UGGT2: variants seen among roughly 807,000 people sequenced by gnomAD.
UGGT2 encodes UDP-glucose glycoprotein glucosyltransferase 2, also known as UDP-glucose:glycoprotein glucosyltransferase 2.
Under a neutral mutation model 192.1 loss-of-function variants are expected in UGGT2, and 180 were observed. The ratio of observed to expected loss-of-function variants is 0.94; its 90% CI spans 0.83 to 1.06. The LOEUF (loss-of-function observed/expected upper bound fraction) is 1.06. UGGT2 is among the 50% of genes least tolerant of loss of function. The pLI is 0.00. For synonymous variants in UGGT2, 580 were observed against 591.0 expected, an observed-to-expected ratio of 0.98 and a Z score of 0.27; for missense variants, 1,849 against 1,795.7, an observed-to-expected ratio of 1.03 and a Z score of -0.54.
At chr13:95,924,393 C>CTTGTTTTTTTTTT (rs2048948308) in intron 20 of UGGT2, among the ~76,000 whole-genome samples, 1 of 63,322 alleles carries the variant, frequency 1.6e-5, no homozygotes, top group African/African-American at 4.8e-5. Context: ...TCCCAAACAG[C>CTTGTTTTTTTTTT]TTTTTTTTTT....
intron 10 of UGGT2, among the ~76,000 whole-genome samples, chr13:95,974,128 AGAG>A (rs1043897690): frequency 2.6e-5 from 4 of 152,252 alleles, no homozygotes; most frequent in African/African-American, 7.2e-5. Flanking sequence ...AGCTACACAC[AGAG>A]GAGGGAGAAG....
chr13:95,931,720 C>T (rs896484512), intron 17 of UGGT2, among the ~76,000 whole-genome samples: 4 of 152,120 alleles, frequency 2.6e-5, no homozygotes, highest in African/African-American at 4.8e-5. Context: ...CGGCAGCGCC[C>T]GCCGGCCTGA....
At chr13:96,017,729 A>T (rs140101652) in intron 4 of UGGT2, among the ~76,000 whole-genome samples, 1 of 152,360 alleles carries the variant, frequency 6.6e-6, no homozygotes, top group East Asian at 1.9e-4. Context: ...AACATATACT[A>T]AACTGTTAGC....
chr13:96,053,382 G>C lies in UGGT2; in HGVS notation c.-70C>G, dbSNP rs1237813402. On this transcript the variant is annotated 5_prime_UTR_variant, in exon 1 of 39. Coordinates refer to ENST00000376747, the MANE Select transcript of UGGT2 (RefSeq NM_020121.4). Reference sequence around the variant, plus strand: ...GTCTGTGGCCGCCACGCTTCGGCCGGCTCTTCCCGCTGCGCGGCTGCCCAC... The same window carrying C: ...GTCTGTGGCCGCCACGCTTCGGCCGCCTCTTCCCGCTGCGCGGCTGCCCAC... The C allele has an allele frequency of 6.6e-7, 1 of 1,518,030 alleles. No homozygotes were observed. The highest frequency in any genetic ancestry group is 1.4e-5 in the African/African-American group (1 of 69,954). 94.0% of individuals were successfully genotyped at this position (1,518,030 alleles called of 1,614,324 possible).
intron 38 of UGGT2, among the ~76,000 whole-genome samples, chr13:95,826,561 T>C (rs1886064985): frequency 6.6e-6 from 1 of 152,084 alleles, no homozygotes; most frequent in Admixed American, 6.6e-5. Flanking sequence ...GTAGTCTTTA[T>C]GTACAAGCAA....
chr13:96,002,595 C>T (rs140494847), intron 5 of UGGT2, among the ~76,000 whole-genome samples: 151 of 152,300 alleles, frequency 9.9e-4, no homozygotes, highest in African/African-American at 3.4e-3. Context: ...CTTTACATCT[C>T]ACTTTACAGA....
rs1305511372 is a variant in UGGT2 at position 95,971,701 on chromosome 13, CTCTT to C, written c.1184+875_1184+878del. On this transcript the variant is annotated intron_variant, in intron 11 of 38. Transcript: ENST00000376747. The stretch of plus-strand genomic sequence containing the variant: ...AGGCTAGCATTTACAAACTTCTCTA[CTCTT>C]TCTATGTGTATTATATGTATCTATC... 1.2e-4 allele frequency among the ~76,000 whole-genome samples: 18 copies of C among 152,240 alleles called. No homozygotes were observed. The East Asian group carries it at 2.9e-3, about 24-fold the overall frequency.
chr13:95,936,786 G>A lies in UGGT2; in HGVS notation c.1977+138C>T, dbSNP rs2049479502. 3.3e-6 allele frequency: 3 copies of A among 896,804 alleles called. No individual in the cohort carries two copies. In the Admixed American group the frequency reaches 1.1e-4, roughly 31 times the overall value. The allele number at this position is 896,804 out of a possible 1,614,324, so 55.6% of individuals were successfully genotyped here. A position where few individuals can be genotyped will look rare whatever the true frequency, so the allele number is the denominator to read the frequency against. On this transcript the variant is annotated intron_variant, in intron 17 of 38. Transcript: ENST00000376747. ...GGTGGCGTGGCTTAAGCTGCTAAAA[G>A]TATCATTTTAAAAATCACTATGAAA...
chr13:95,890,039 C>T (rs1421675774), intron 25 of UGGT2, among the ~76,000 whole-genome samples: 1 of 152,170 alleles, frequency 6.6e-6, no homozygotes, highest in East Asian at 1.9e-4. Context: ...GCAGCCTACA[C>T]TTAGACCAGG....
intron 15 of UGGT2, among the ~76,000 whole-genome samples, chr13:95,940,453 TTC>T: frequency 6.7e-6 from 1 of 149,994 alleles, no homozygotes; most frequent in African/African-American, 2.4e-5. Flanking sequence ...TTTTTTCTTT[TTC>T]TTTTTTTTTT....
chr13:95,900,300 G>A (rs562315498), intron 22 of UGGT2, among the ~76,000 whole-genome samples: 1 of 152,094 alleles, frequency 6.6e-6, no homozygotes, highest in Non-Finnish European at 1.5e-5. Flanking sequence ...GTTTTATTAG[G>A]GTGGTTGGAG....
chr13:95,900,878 T>G lies in UGGT2; in HGVS notation c.2563A>C (p.Thr855Pro). 4 of 1,611,038 alleles carry G rather than the reference T, an allele frequency of 2.5e-6. No homozygotes were observed. Among genetic ancestry groups the G allele is most frequent in the Non-Finnish European group, 3.4e-6 (4 of 1,178,870 alleles). The change falls in exon 22 of 39, where the codon ACT becomes CCT. Residue 855 changes from threonine to proline, a missense_variant. Thr to Pro is a conservative substitution (Grantham distance 38, BLOSUM62 -1). Transcript: ENST00000376747. ...ACATCTTGACAGAACAACTGGTGAG[T>G]TCGAAAAATATTCACTCCAACAGTA... ...YNTVGVNIFRTHQLFCQDVLK... is the reference protein window; with the variant it reads ...YNTVGVNIFRPHQLFCQDVLK...
intron 10 of UGGT2, among the ~76,000 whole-genome samples, chr13:95,973,078 G>A (rs1004509596): frequency 6.6e-6 from 1 of 152,178 alleles, no homozygotes; most frequent in African/African-American, 2.4e-5. Context: ...GCTGAGGCAG[G>A]AGAATCACTT....
At chr13:95,908,445 C>T (rs113028269) in intron 20 of UGGT2, among the ~76,000 whole-genome samples, 3,231 of 152,028 alleles carry the variant, frequency 0.021, 110 homozygotes, top group African/African-American at 0.074. Context: ...GACACATAAT[C>T]GTGAGATTCA....
At chr13:95,834,656 T>C (rs768565356) in intron 37 of UGGT2, among the ~76,000 whole-genome samples, 2 of 152,312 alleles carry the variant, frequency 1.3e-5, no homozygotes, top group East Asian at 1.9e-4. Context: ...TTAGTGTTTC[T>C]ATGAGGGAGA....
chr13:96,049,539 G>A (rs1230177321), intron 1 of UGGT2, among the ~76,000 whole-genome samples: 1 of 152,146 alleles, frequency 6.6e-6, no homozygotes, highest in Non-Finnish European at 1.5e-5. Flanking sequence ...AAGTCAAATT[G>A]TCCCTGTTGG....
chr13:96,019,101 T>G (rs2052432119), intron 4 of UGGT2, among the ~76,000 whole-genome samples: 1 of 102,596 alleles, frequency 9.7e-6, no homozygotes, highest in Admixed American at 1.4e-4. Flanking sequence ...AAAAAAAAAT[T>G]ATTAACTTTG....
chr13:95,814,985 C>A (rs1415404852), intron 38 of UGGT2, among the ~76,000 whole-genome samples: 1 of 152,132 alleles, frequency 6.6e-6, no homozygotes, highest in African/African-American at 2.4e-5. Flanking sequence ...ATATGATCAT[C>A]TCAACAGATA....
At chr13:95,871,300 A>G (rs571849126) in intron 29 of UGGT2, among the ~76,000 whole-genome samples, 1 of 152,304 alleles carries the variant, frequency 6.6e-6, no homozygotes, top group African/African-American at 2.4e-5. Context: ...ATACCCTCAC[A>G]ATATGCAGAT....
Sources: gnomAD v4.1 joint callset for allele counts (sites outside exome capture counted in the v4.1 genomes callset) on GRCh38, gnomAD v4.1.1 for gene constraint, MANE v1.5 for transcripts, NCBI Gene and HGNC (gene_info 2026-07-23, HGNC 2026-07-21) for gene names.